CMTR1: variants seen among roughly 807,000 people sequenced by gnomAD.
The protein encoded by CMTR1 is cap methyltransferase 1.
A neutral mutation model predicts 107.0 loss-of-function variants in CMTR1; 39 were observed. The observed-to-expected ratio is 0.36, with a 90% CI of 0.28 to 0.48. CMTR1 has a LOEUF of 0.48. CMTR1 is among the 20% of genes least tolerant of loss of function. CMTR1 has a pLI of 0.99. For missense variants in CMTR1, 672 were observed against 1,064.9 expected (o/e 0.63, Z 5.14); for synonymous variants, 366 against 379.5 (o/e 0.96, Z 0.41).
upstream of CMTR1, among the ~76,000 whole-genome samples, chr6:37,430,410 G>GTATATA (rs3046895): frequency 6.7e-6 from 1 of 150,058 alleles, no homozygotes; most frequent in Non-Finnish European, 1.5e-5. Context: ...GTGTGTGTGT[G>GTATATA]TATATATATA....
intron 2 of CMTR1, among the ~76,000 whole-genome samples, chr6:37,443,324 C>A: frequency 6.6e-6 from 1 of 151,716 alleles, no homozygotes; most frequent in East Asian, 1.9e-4. Flanking sequence ...ATCATATCTT[C>A]AGTAAATACA....
chr6:37,451,722 T>G, intron 5 of CMTR1, 84 bp from the exon 6 acceptor site: 1 of 1,002,034 alleles, frequency 1.0e-6, no homozygotes, highest in Non-Finnish European at 1.6e-6. Context: ...CTTGCTCTAC[T>G]TACTTGGAAC....
In CMTR1 at chr6:37,481,327, TA is replaced by T; in HGVS notation, c.*1183del. 4 of 1,204,452 alleles carry T rather than the reference TA, an allele frequency of 3.3e-6. No homozygotes were observed. Among genetic ancestry groups the T allele is most frequent in the Non-Finnish European group, 4.2e-6 (4 of 950,340 alleles). 74.6% of individuals were successfully genotyped at this position (1,204,452 alleles called of 1,614,324 possible). A position where few individuals can be genotyped will look rare whatever the true frequency, so the allele number is the denominator to read the frequency against. Reference sequence around the variant, plus strand: ...AGTGCCAGGCTGGTTTCCATGGAGATAGGGCACTGAGGCTCCCGTGAGGTTG... The same window carrying T: ...AGTGCCAGGCTGGTTTCCATGGAGATGGGCACTGAGGCTCCCGTGAGGTTG... On this transcript the variant is annotated 3_prime_UTR_variant, in exon 24 of 24. Transcript: ENST00000373451.
At position 37,433,386 on chromosome 6, in the gene CMTR1, C is replaced by G. The variant is rs560995502; in HGVS notation, c.-7+9C>G. 1 of 152,434 alleles carries G rather than the reference C, an allele frequency of 6.6e-6. No individual in the cohort carries two copies. Among genetic ancestry groups the G allele is most frequent in the Admixed American group, 6.5e-5 (1 of 15,292 alleles). 9.4% of individuals were successfully genotyped at this position (152,434 alleles called of 1,614,324 possible). A position where few individuals can be genotyped will look rare whatever the true frequency, so the allele number is the denominator to read the frequency against. ...CGCTCTCTCCCCTCAGCGTGAGTGC[C>G]GACGCGCGGCCCGGGGGGAGCAAGC... On this transcript the variant is annotated intron_variant, in intron 1 of 23. Coordinates refer to ENST00000373451, the MANE Select transcript of CMTR1 (RefSeq NM_015050.3).
At chr6:37,451,343 C>G (rs945656655) in intron 5 of CMTR1, among the ~76,000 whole-genome samples, 3 of 152,120 alleles carry the variant, frequency 2.0e-5, no homozygotes, top group Non-Finnish European at 4.4e-5. Flanking sequence ...CACTTGATAT[C>G]CCTGTGAGAC....
At chr6:37,475,269 G>A (rs1208472706) in intron 18 of CMTR1, 52 bp from the exon 19 acceptor site, 2 of 1,429,002 alleles carry the variant, frequency 1.4e-6, no homozygotes, top group African/African-American at 2.8e-5. Context: ...GGTAGTGGGG[G>A]CTGAAGGCTG....
chr6:37,428,633 T>A (rs974196603), upstream of CMTR1, among the ~76,000 whole-genome samples: 2 of 152,150 alleles, frequency 1.3e-5, no homozygotes, highest in African/African-American at 4.8e-5. Flanking sequence ...AATTTTTGTA[T>A]TTTTAGTAGA....
Position 37,446,436 on chromosome 6 carries a change from G to A in CMTR1, c.431G>A (p.Arg144Gln), listed in dbSNP as rs141582725. 5,680 of 1,613,292 alleles carry A rather than the reference G, an allele frequency of 3.5e-3. 19 individuals carry two copies. Among genetic ancestry groups the A allele is most frequent in the Non-Finnish European group, 4.6e-3 (5,407 of 1,179,954 alleles). The change falls in exon 4 of 24, where the codon CGA (arginine) becomes CAA (glutamine). Residue 144 changes from arginine to glutamine, a missense_variant. Coordinates refer to ENST00000373451, the MANE Select transcript of CMTR1 (RefSeq NM_015050.3). ...GFDQELNVDW[R>Q]DEPEPSACEQ... ...GACCAGGAGCTGAACGTGGACTGGCGAGATGAGCCAGAGGTAAGTGTTAAA... is the reference window on the plus strand; with the variant it reads ...GACCAGGAGCTGAACGTGGACTGGCAAGATGAGCCAGAGGTAAGTGTTAAA...
intron 2 of CMTR1, among the ~76,000 whole-genome samples, chr6:37,442,792 A>G (rs1771702455): frequency 6.6e-6 from 1 of 152,178 alleles, no homozygotes; most frequent in Non-Finnish European, 1.5e-5. Flanking sequence ...TCAAGTTAGA[A>G]ATACCTGAAT....
In CMTR1 at chr6:37,443,832, A is replaced by G. The variant is rs1161681090; in HGVS notation, c.134-167A>G. On this transcript the variant is annotated intron_variant, in intron 2 of 23. Coordinates refer to ENST00000373451, the MANE Select transcript of CMTR1 (RefSeq NM_015050.3). Reference sequence around the variant, plus strand: ...AACTTTCAGTAGTGACTTGCCCAAGATTACCTAGCTAGTAAGAGGTAGAAA... The same window carrying G: ...AACTTTCAGTAGTGACTTGCCCAAGGTTACCTAGCTAGTAAGAGGTAGAAA... 3.3e-5 allele frequency among the ~76,000 whole-genome samples: 5 copies of G among 152,256 alleles called. No homozygotes were observed. The East Asian group carries it at 7.7e-4, about 23-fold the overall frequency.
At chr6:37,449,435 A>C (rs1049805228) in intron 4 of CMTR1, among the ~76,000 whole-genome samples, 2 of 152,118 alleles carry the variant, frequency 1.3e-5, no homozygotes, top group Non-Finnish European at 2.9e-5. Context: ...CAGCCTCCCA[A>C]GTAGCTGGGT....
intron 1 of CMTR1, among the ~76,000 whole-genome samples, chr6:37,434,997 G>T (rs1771494733): frequency 6.6e-6 from 1 of 152,150 alleles, no homozygotes; most frequent in Non-Finnish European, 1.5e-5. Flanking sequence ...GCTACCTCCA[G>T]TCCCAATAAC....
intron 19 of CMTR1, chr6:37,475,804 G>A (rs1761724979): frequency 2.1e-6 from 1 of 477,634 alleles, no homozygotes. Context: ...CCATGCTTTG[G>A]GGTGACAGGG....
intron 13 of CMTR1, among the ~76,000 whole-genome samples, chr6:37,465,885 C>T (rs546180439): frequency 6.6e-6 from 1 of 151,678 alleles, no homozygotes; most frequent in South Asian, 2.1e-4. Flanking sequence ...GGATATTAAT[C>T]ACTTGTCAGA....
Position 37,462,829 on chromosome 6 carries a change from G to T in CMTR1, c.1326G>T (p.Arg442Ser). 6.2e-7 allele frequency: 1 copy of T among 1,612,390 alleles called. No homozygotes were observed. Among genetic ancestry groups the T allele is most frequent in the Non-Finnish European group, 8.5e-7 (1 of 1,179,904 alleles). ...PITSRPANSE[R>S]YVVCKGLKVG... is the part of the protein sequence containing the mutation. ...GGAGTGACAGAGTATCTTCTGCCAG[G>T]TATGTGGTGTGCAAGGGCCTGAAGG... is the stretch of plus-strand genomic sequence containing the variant. Residue 442 changes from arginine to serine, a missense_variant and splice_region_variant, in exon 13 of 24, where the codon AGG (arginine) becomes AGT (serine). Around this residue, in one of 2 missense-constraint regions of CMTR1, gnomAD observed 583 missense variants for 968.4 expected, o/e 0.60. Coordinates refer to ENST00000373451, the MANE Select transcript of CMTR1 (RefSeq NM_015050.3).
Position 37,476,173 on chromosome 6 carries a change from G to A in CMTR1, c.2084G>A (p.Arg695Gln), listed in dbSNP as rs1263142161. 5 of 1,614,052 alleles carry A rather than the reference G, an allele frequency of 3.1e-6. No homozygotes were observed. In the Admixed American group the frequency reaches 5.0e-5, roughly 16 times the overall value. Reference protein sequence around the residue: ...KFVKAVSKPSRPDMNPIRVKE... With the variant: ...KFVKAVSKPSQPDMNPIRVKE... ...GTGAAAGCCGTTTCCAAGCCTAGTC[G>A]GCCCGACATGAATCCCATCAGGTGA... Residue 695 changes from arginine (R) to glutamine (Q), a missense_variant, in exon 20 of 24, where the codon CGG (arginine) becomes CAG (glutamine). Around this residue, in one of 2 missense-constraint regions of CMTR1, gnomAD observed 583 missense variants for 968.4 expected, o/e 0.60. Coordinates refer to ENST00000373451, the MANE Select transcript of CMTR1 (RefSeq NM_015050.3).
At chr6:37,469,745 C>T (rs1761585565) in intron 13 of CMTR1, among the ~76,000 whole-genome samples, 1 of 151,802 alleles carries the variant, frequency 6.6e-6, no homozygotes, top group Non-Finnish European at 1.5e-5. Flanking sequence ...TCAGTCTGGT[C>T]TCGAACTCCT....
At chr6:37,426,283 G>C in the CMTR1 span, among the ~76,000 whole-genome samples, 7 of 151,612 alleles carry the variant, frequency 4.6e-5, no homozygotes, top group African/African-American at 1.7e-4. Context: ...TCTTTTTCAG[G>C]GACATTTTCT....
chr6:37,473,679 C>A, intron 17 of CMTR1, 78 bp downstream of exon 17: 1 of 1,509,766 alleles, frequency 6.6e-7, no homozygotes, highest in African/African-American at 1.4e-5. Flanking sequence ...CTGCCTGCCA[C>A]ACTTGGTACA....
Sources: allele counts gnomAD v4.1 joint callset (sites outside exome capture counted in the v4.1 genomes callset), GRCh38; gene constraint gnomAD v4.1.1; regional missense constraint gnomAD v4.1.1; transcripts MANE v1.5; gene names NCBI Gene and HGNC (gene_info 2026-07-23, HGNC 2026-07-21).